The following PDE11A variants were observed in gnomAD, a reference collection of about 807,000 sequenced individuals.
PDE11A encodes the protein dual 3',5'-cyclic-AMP and -GMP phosphodiesterase 11A.
In PDE11A, 100 loss-of-function variants were observed where a neutral mutation model predicts 100.5. The observed-to-expected ratio is 1.00, with a 90% CI of 0.85 to 1.18. PDE11A has a LOEUF of 1.18. PDE11A is among the 50% of genes most tolerant of loss of function. PDE11A has a pLI of 0.00. For synonymous variants in PDE11A, 381 were observed against 420.8 expected (o/e 0.91, Z 1.16); for missense variants, 1,141 against 1,152.6 (o/e 0.99, Z 0.15).
At chr2:177,832,313 G>T (rs1574190717) in intron 6 of PDE11A, among the ~76,000 whole-genome samples, 1 of 152,114 alleles carries the variant, frequency 6.6e-6, no homozygotes, top group East Asian at 1.9e-4. Flanking sequence ...ATCTGGGTAG[G>T]CAACATCAAA....
chr2:177,843,729 A>G lies in PDE11A; in HGVS notation c.1368-3346T>C, dbSNP rs532799302. On this transcript the variant is annotated intron_variant, in intron 5 of 19. Transcript: ENST00000286063. ...TAAGCTATGATCTCTGCTCTCAGGG[A>G]GTTTGCTACTTAACTGGGGAGATGA... 2.0e-5 allele frequency among the ~76,000 whole-genome samples: 3 copies of G among 152,326 alleles called. No individual in the cohort carries two copies. The South Asian group carries it at 6.2e-4, about 32-fold the overall frequency.
intron 10 of PDE11A, among the ~76,000 whole-genome samples, chr2:177,728,456 G>C (rs746280142): frequency 3.3e-5 from 5 of 152,110 alleles, no homozygotes; most frequent in African/African-American, 1.2e-4. Flanking sequence ...ATACAGAACT[G>C]TCAAGTTTAT....
rs527957945 is a variant in PDE11A at position 177,654,093 on chromosome 2, A to G, written c.2646+9773T>C. Reference sequence around the variant, plus strand: ...TTTATTATTTCTAATCATGCTTAATACTATTAAATAAGTCAATAAAATGAG... The same window carrying G: ...TTTATTATTTCTAATCATGCTTAATGCTATTAAATAAGTCAATAAAATGAG... On this transcript the variant is annotated intron_variant, in intron 19 of 19. Transcript: ENST00000286063. 3.3e-5 allele frequency among the ~76,000 whole-genome samples: 5 copies of G among 152,380 alleles called. No individual in the cohort carries two copies. In the East Asian group the frequency reaches 9.6e-4, roughly 29 times the overall value.
At chr2:177,642,941 C>T (rs564389392) in intron 19 of PDE11A, among the ~76,000 whole-genome samples, 1 of 152,308 alleles carries the variant, frequency 6.6e-6, no homozygotes, top group African/African-American at 2.4e-5. Context: ...CCTGTACAAG[C>T]TCTCTCTCTT....
intron 5 of PDE11A, among the ~76,000 whole-genome samples, chr2:177,863,905 A>T (rs2083986019): frequency 6.6e-6 from 1 of 152,140 alleles, no homozygotes; most frequent in East Asian, 1.9e-4. Flanking sequence ...TCATTGCAGC[A>T]TTATTCACAA....
At chr2:177,891,553 C>G (rs947791155) in intron 4 of PDE11A, among the ~76,000 whole-genome samples, 1 of 152,120 alleles carries the variant, frequency 6.6e-6, no homozygotes, top group African/African-American at 2.4e-5. Context: ...AGTATTTTTG[C>G]ATTTGATTTT....
At chr2:178,029,279 T>TCACACAGAAAATATAA (rs2086516187) in intron 1 of PDE11A, among the ~76,000 whole-genome samples, 1 of 152,138 alleles carries the variant, frequency 6.6e-6, no homozygotes, top group Non-Finnish European at 1.5e-5. Flanking sequence ...ATAACTGATA[T>TCACACAGAAAATATAA]CACACAGAAA....
At chr2:177,981,044 C>T (rs1214635905) in intron 2 of PDE11A, among the ~76,000 whole-genome samples, 2 of 149,152 alleles carry the variant, frequency 1.3e-5, no homozygotes, top group Non-Finnish European at 3.0e-5. Flanking sequence ...TTAAACCAAT[C>T]TCAGTTAAAA....
At chr2:178,000,587 A>C (rs1192058202) in intron 2 of PDE11A, among the ~76,000 whole-genome samples, 2 of 152,224 alleles carry the variant, frequency 1.3e-5, no homozygotes, top group African/African-American at 4.8e-5. Context: ...AAATTTAAAA[A>C]TGTTTTGTCA....
Position 177,680,821 on chromosome 2 carries a change from CTTACCGAAATATA to C in PDE11A, c.2415_2423+4del, listed in dbSNP as rs777889273. The C allele has an allele frequency of 6.5e-7, 1 of 1,529,058 alleles. No individual in the cohort carries two copies. Among genetic ancestry groups the C allele is most frequent in the Non-Finnish European group, 9.1e-7 (1 of 1,104,296 alleles). 94.7% of individuals were successfully genotyped at this position (1,529,058 alleles called of 1,614,324 possible). On this transcript the variant is annotated splice_donor_variant and splice_donor_region_variant and coding_sequence_variant and intron_variant, in exon 16 of 20. Coordinates refer to ENST00000286063, the MANE Select transcript of PDE11A (RefSeq NM_016953.4). LOFTEE classifies it high-confidence loss of function. ...AGAAACACATAAACAAGAGCTTTTT[CTTACCGAAATATA>C]TCACGATGGTTTTTGATGTTCCAAT... is the stretch of plus-strand genomic sequence containing the variant.
intron 19 of PDE11A, among the ~76,000 whole-genome samples, chr2:177,633,442 T>C (rs986815544): frequency 1.3e-5 from 2 of 152,232 alleles, no homozygotes; most frequent in Non-Finnish European, 2.9e-5. Flanking sequence ...GAGTAAAATG[T>C]AACTAGATGT....
intron 10 of PDE11A, among the ~76,000 whole-genome samples, chr2:177,750,709 G>A (rs2082013468): frequency 6.6e-6 from 1 of 152,074 alleles, no homozygotes; most frequent in Non-Finnish European, 1.5e-5. Flanking sequence ...TGCCCACAAG[G>A]GTATAAAGTA....
Position 178,071,979 on chromosome 2 carries a change from T to C in PDE11A, c.459A>G (p.Arg153=). The C allele has an allele frequency of 6.2e-7, 1 of 1,614,090 alleles. No homozygotes were observed. Among genetic ancestry groups the C allele is most frequent in the Non-Finnish European group, 8.5e-7 (1 of 1,179,972 alleles). Reference sequence around the variant, plus strand: ...TTGCCTTCCGGAGAAGTGCCCTCCGTCGTACACTACTCAGGGGTTCCTGAG... The same window carrying C: ...TTGCCTTCCGGAGAAGTGCCCTCCGCCGTACACTACTCAGGGGTTCCTGAG... ...SRAQEPLSSV[R]RRALLRKASS... is the part of the protein sequence containing the mutation. The change falls in exon 1 of 20, where the codon CGA becomes CGG. Residue 153 remains arginine, a synonymous_variant. Coordinates refer to ENST00000286063, the MANE Select transcript of PDE11A (RefSeq NM_016953.4).
chr2:177,939,512 G>C (rs1468636011), intron 2 of PDE11A, among the ~76,000 whole-genome samples: 2 of 108,110 alleles, frequency 1.8e-5, no homozygotes, highest in African/African-American at 7.0e-5. Context: ...AGGAGGGAGG[G>C]AGGGAAGGGA....
intron 5 of PDE11A, among the ~76,000 whole-genome samples, chr2:177,868,682 C>G (rs1161991996): frequency 6.6e-6 from 1 of 152,166 alleles, no homozygotes; most frequent in Non-Finnish European, 1.5e-5. Context: ...AATGATGCAG[C>G]ATGTATCTTT....
At chr2:177,676,691 C>T (rs190949518) in intron 16 of PDE11A, among the ~76,000 whole-genome samples, 18 of 152,324 alleles carry the variant, frequency 1.2e-4, no homozygotes, top group South Asian at 1.0e-3. Context: ...TTAAGAACTA[C>T]GCAAAGGGAG....
intron 18 of PDE11A, among the ~76,000 whole-genome samples, chr2:177,665,503 T>TAAATA (rs34758781): frequency 2.0e-4 from 29 of 143,782 alleles, no homozygotes; most frequent in African/African-American, 4.4e-4. Context: ...TAATAATAAA[T>TAAATA]AAATAAAATA....
intron 19 of PDE11A, among the ~76,000 whole-genome samples, chr2:177,662,879 C>T (rs1016385064): frequency 2.0e-5 from 3 of 152,026 alleles, no homozygotes; most frequent in African/African-American, 7.3e-5. Flanking sequence ...CTCAGCAGTT[C>T]CTAAAAGTGC....
chr2:178,060,761 C>G lies in PDE11A; in HGVS notation c.912+10765G>C, dbSNP rs940883033. Among the ~76,000 whole-genome samples, 6 of 151,968 alleles carry G rather than the reference C, an allele frequency of 3.9e-5. No individual in the cohort carries two copies. In the East Asian group the frequency reaches 7.7e-4, roughly 20 times the overall value. ...GCAATCTCCTATGATTAAATATTCC[C>G]TTTTATAATATATCATAATTGATTC... On this transcript the variant is annotated intron_variant, in intron 1 of 19. Coordinates refer to ENST00000286063, the MANE Select transcript of PDE11A (RefSeq NM_016953.4).
Sources: gnomAD v4.1 joint callset for allele counts (sites outside exome capture counted in the v4.1 genomes callset) on GRCh38, gnomAD v4.1.1 for gene constraint, MANE v1.5 for transcripts, NCBI Gene and HGNC (gene_info 2026-07-23, HGNC 2026-07-21) for gene names.